The following RBFOX1 variants were observed in gnomAD, a reference collection of about 807,000 sequenced individuals.
RBFOX1 encodes the protein RNA binding protein fox-1 homolog 1.
In RBFOX1, 8 loss-of-function variants were observed where a neutral mutation model predicts 57.7. The ratio of observed to expected loss-of-function variants is 0.14; its 90% CI spans 0.08 to 0.25. The LOEUF (loss-of-function observed/expected upper bound fraction) is 0.25, where lower values mean the gene tolerates loss of function less well. Among genes scored for constraint, RBFOX1 ranks in the 10% least tolerant of loss-of-function variants. The pLI is 1.00. For synonymous variants in RBFOX1, 326 were observed against 222.4 expected (o/e 1.47, Z -4.15); for missense variants, 611 against 548.5 (o/e 1.11, Z -1.14).
At chr16:6,806,536 C>A (rs1294835160) in intron 3 of RBFOX1, among the ~76,000 whole-genome samples, 1 of 151,970 alleles carries the variant, frequency 6.6e-6, no homozygotes, top group South Asian at 2.1e-4. Context: ...CACCATCTTA[C>A]ATGGATAGTC....
intron 2 of RBFOX1, among the ~76,000 whole-genome samples, chr16:5,487,531 G>T (rs923860956): frequency 1.5e-4 from 23 of 152,186 alleles, no homozygotes; most frequent in African/African-American, 5.3e-4. Context: ...TGGAAAGGTT[G>T]GTTGGTCTTG....
chr16:5,861,084 G>T (rs2057201616), intron 3 of RBFOX1, among the ~76,000 whole-genome samples: 2 of 152,336 alleles, frequency 1.3e-5, no homozygotes, highest in Admixed American at 6.5e-5. Flanking sequence ...AGTGTCAAGA[G>T]ATGGAGTCAC....
rs555781131 is a variant in RBFOX1 at position 6,138,139 on chromosome 16, G to A, written c.-127+118147G>A. On this transcript the variant is annotated intron_variant, in intron 1 of 15. Transcript: ENST00000550418. ...CCTGCATTTGAATTCTAGTTCTATC[G>A]TTAATATTGATATTAAATTAACAGA... 1.3e-4 allele frequency among the ~76,000 whole-genome samples: 20 copies of A among 152,238 alleles called. No homozygotes were observed. In the South Asian group the frequency reaches 2.5e-3, roughly 19 times the overall value.
chr16:7,177,528 G>A (rs1182092952), intron 4 of RBFOX1, among the ~76,000 whole-genome samples: 1 of 152,020 alleles, frequency 6.6e-6, no homozygotes, highest in African/African-American at 2.4e-5. Flanking sequence ...GATCAGGGAT[G>A]CTTTATATGG....
chr16:5,788,435 C>A (rs1294699822), intron 3 of RBFOX1, among the ~76,000 whole-genome samples: 1 of 152,072 alleles, frequency 6.6e-6, no homozygotes, highest in Non-Finnish European at 1.5e-5. Flanking sequence ...TTGAGATCAG[C>A]CTGGCCAATG....
chr16:6,524,382 G>C (rs9934105), intron 2 of RBFOX1, among the ~76,000 whole-genome samples: 19,455 of 152,178 alleles, frequency 0.13, 3,918 homozygotes, highest in African/African-American at 0.43. Context: ...CTTGCTGTGT[G>C]CATTCATCTG....
rs141379293 is a variant in RBFOX1 at position 5,912,857 on chromosome 16, G to C, written c.351+45522G>C. Among the ~76,000 whole-genome samples the C allele has an allele frequency of 1.4e-3, 206 of 152,292 alleles. 1 individual carries two copies. Among genetic ancestry groups the C allele is most frequent in the African/African-American group, 4.8e-3 (200 of 41,558 alleles). The stretch of plus-strand genomic sequence containing the variant: ...TTCTAATGAGGAAAAGTATAACGAA[G>C]GGATGGGTCCATGGGGAGAGTGCCA... On this transcript the variant is annotated intron_variant, in intron 4 of 19. Transcript: ENST00000641259.
At chr16:5,283,468 C>T (rs1039998858) in intron 1 of RBFOX1, among the ~76,000 whole-genome samples, 2 of 152,096 alleles carry the variant, frequency 1.3e-5, no homozygotes, top group African/African-American at 4.8e-5. Flanking sequence ...CCTCCTTTCA[C>T]CTCCTGGTTT....
intron 2 of RBFOX1, among the ~76,000 whole-genome samples, chr16:6,610,392 A>G (rs957576321): frequency 2.6e-5 from 4 of 152,194 alleles, no homozygotes; most frequent in African/African-American, 9.6e-5. Flanking sequence ...CAGTGGTGCA[A>G]TCATGGCTCA....
chr16:6,747,432 C>G (rs926019434), intron 3 of RBFOX1, among the ~76,000 whole-genome samples: 11 of 136,290 alleles, frequency 8.1e-5, no homozygotes, highest in African/African-American at 2.9e-4. Flanking sequence ...ATCTATCAGT[C>G]AGTCAGTCAG....
At chr16:6,625,646 C>G (rs578026058) in intron 2 of RBFOX1, among the ~76,000 whole-genome samples, 5 of 152,066 alleles carry the variant, frequency 3.3e-5, no homozygotes, top group Non-Finnish European at 5.9e-5. Flanking sequence ...AGTTCCCCAC[C>G]GCCCCCGCCC....
At chr16:6,106,067 A>G (rs564231115) in intron 1 of RBFOX1, among the ~76,000 whole-genome samples, 2 of 152,108 alleles carry the variant, frequency 1.3e-5, no homozygotes, top group Non-Finnish European at 2.9e-5. Context: ...GCACTTCTCC[A>G]TTTTCCTTCA....
rs184489969 is a variant in RBFOX1, at chr16:7,623,595, C to T, written c.677-7008C>T. 1.6e-3 allele frequency among the ~76,000 whole-genome samples: 246 copies of T among 152,272 alleles called. 1 individual carries two copies. Among genetic ancestry groups the T allele is most frequent in the African/African-American group, 5.3e-3 (221 of 41,560 alleles). On this transcript the variant is annotated intron_variant, in intron 10 of 15. Transcript: ENST00000550418. ...ATGAAGTAACATGAACAATGAGGAG[C>T]GGCTGTCAATACACATGAAGCTTTG...
At chr16:5,685,764 G>A (rs1287490784) in intron 3 of RBFOX1, among the ~76,000 whole-genome samples, 3 of 152,188 alleles carry the variant, frequency 2.0e-5, no homozygotes, top group Non-Finnish European at 2.9e-5. Context: ...AGGTTGGTAT[G>A]CCCTCTTTGC....
At chr16:6,690,301 G>A (rs146058711) in intron 3 of RBFOX1, among the ~76,000 whole-genome samples, 1 of 152,146 alleles carries the variant, frequency 6.6e-6, no homozygotes, top group Non-Finnish European at 1.5e-5. Context: ...TAATATGTGT[G>A]TTTTTAAGTG....
intron 1 of RBFOX1, among the ~76,000 whole-genome samples, chr16:6,211,714 G>T (rs1381114179): frequency 1.3e-5 from 2 of 152,222 alleles, no homozygotes; most frequent in East Asian, 3.9e-4. Context: ...TATTAAAAAT[G>T]GAAAGTTACA....
At chr16:5,629,053 A>G (rs1200927771) in intron 3 of RBFOX1, among the ~76,000 whole-genome samples, 1 of 152,214 alleles carries the variant, frequency 6.6e-6, no homozygotes, top group African/African-American at 2.4e-5. Context: ...GGGCAAACAA[A>G]TGCACCAGAG....
chr16:7,060,109 A>C (rs1185817317), intron 4 of RBFOX1, among the ~76,000 whole-genome samples: 1 of 152,180 alleles, frequency 6.6e-6, no homozygotes, highest in African/African-American at 2.4e-5. Context: ...TAGAGTTAAC[A>C]AACTTTAAAC....
chr16:5,641,258 T>G (rs1045892874), intron 3 of RBFOX1, among the ~76,000 whole-genome samples: 10 of 152,212 alleles, frequency 6.6e-5, no homozygotes, highest in Non-Finnish European at 1.2e-4. Context: ...GAGTACCAGT[T>G]ATTAAATAGG....
Sources: allele counts gnomAD v4.1 joint callset (sites outside exome capture counted in the v4.1 genomes callset), GRCh38; gene constraint gnomAD v4.1.1; transcripts MANE v1.5; gene names NCBI Gene and HGNC (gene_info 2026-07-23, HGNC 2026-07-21).